The following SYT16 variants were observed in gnomAD, a reference collection of about 807,000 sequenced individuals.
The protein encoded by SYT16 is synaptotagmin 16.
In SYT16, 42 loss-of-function variants were observed where a neutral mutation model predicts 61.4. That is an observed-to-expected ratio of 0.68 (90% CI 0.53 to 0.89). The LOEUF (loss-of-function observed/expected upper bound fraction) is 0.89, where lower values mean the gene tolerates loss of function less well. Ranked by LOEUF, SYT16 falls within the 40% of genes least tolerant of loss-of-function variation. The pLI is 0.00. For missense variants in SYT16, 804 were observed against 807.3 expected (o/e 1.00, Z 0.05); for synonymous variants, 314 against 302.3 (o/e 1.04, Z -0.40).
chr14:62,018,934 C>T (rs1393879112), intron 3 of SYT16, among the ~76,000 whole-genome samples: 5 of 152,294 alleles, frequency 3.3e-5, no homozygotes, highest in South Asian at 4.2e-4. Context: ...CCTGCATCTG[C>T]GCTTGCCTCA....
chr14:61,853,377 G>C (rs2046677188), intron 1 of SYT16, among the ~76,000 whole-genome samples: 1 of 152,184 alleles, frequency 6.6e-6, no homozygotes, highest in Non-Finnish European at 1.5e-5. Context: ...GAAACCTACT[G>C]TTATGGTTTG....
chr14:62,024,606 A>G (rs930668842), intron 3 of SYT16, among the ~76,000 whole-genome samples: 12 of 152,026 alleles, frequency 7.9e-5, no homozygotes, highest in African/African-American at 2.9e-4. Context: ...TAGATTTATT[A>G]CAATCAGTAA....
intron 1 of SYT16, among the ~76,000 whole-genome samples, chr14:61,914,240 A>G (rs935426006): frequency 4.6e-5 from 7 of 152,200 alleles, no homozygotes; most frequent in Admixed American, 2.0e-4. Context: ...TTGCTAGGCA[A>G]AACTCCAACT....
chr14:61,933,045 A>G (rs1227618527), intron 1 of SYT16, among the ~76,000 whole-genome samples: 1 of 152,192 alleles, frequency 6.6e-6, no homozygotes, highest in Admixed American at 6.5e-5. Context: ...TTGGTGGAAT[A>G]TCTTTGACAG....
chr14:61,903,307 C>A (rs1216770250), intron 1 of SYT16, among the ~76,000 whole-genome samples: 1 of 151,846 alleles, frequency 6.6e-6, no homozygotes, highest in African/African-American at 2.4e-5. Flanking sequence ...CCTGTGTAAC[C>A]CCTGGCTATT....
intron 3 of SYT16, among the ~76,000 whole-genome samples, chr14:62,025,221 A>G (rs1249141321): frequency 6.6e-6 from 1 of 152,112 alleles, no homozygotes; most frequent in Non-Finnish European, 1.5e-5. Flanking sequence ...TGGTTATACC[A>G]TTTTGCATTC....
intron 1 of SYT16, among the ~76,000 whole-genome samples, chr14:61,937,067 TA>T (rs1471850458): frequency 2.0e-5 from 3 of 152,252 alleles, no homozygotes; most frequent in Non-Finnish European, 4.4e-5. Flanking sequence ...GGAACGGTGC[TA>T]TCACTTGCTT....
intron 1 of SYT16, among the ~76,000 whole-genome samples, chr14:61,910,599 C>T (rs1188672493): frequency 6.6e-6 from 1 of 150,788 alleles, no homozygotes; most frequent in Non-Finnish European, 1.5e-5. Flanking sequence ...GGCATGATCT[C>T]AGCTCACTGC....
rs551368313 is a variant in SYT16, at chr14:62,105,289, T to C, written c.*4582T>C. 6.6e-6 allele frequency: 1 copy of C among 152,338 alleles called. No individual in the cohort carries two copies. The highest frequency in any genetic ancestry group is 1.5e-5 in the Non-Finnish European group (1 of 68,028). The allele number at this position is 152,338 out of a possible 1,614,324, so 9.4% of individuals were successfully genotyped here. On this transcript the variant is annotated 3_prime_UTR_variant, in exon 8 of 8. Transcript: ENST00000683842. The stretch of plus-strand genomic sequence containing the variant: ...ATTCATAAATGGACAAGGCATCTTG[T>C]CGCCTTTATCAAAAGAGTTGGTGAC...
At chr14:61,964,679 G>A (rs966190894) in intron 1 of SYT16, among the ~76,000 whole-genome samples, 1 of 152,158 alleles carries the variant, frequency 6.6e-6, no homozygotes, top group African/African-American at 2.4e-5. Flanking sequence ...ACTTTCTGCT[G>A]TGGATAAAAT....
chr14:62,025,460 T>C (rs549653438), intron 3 of SYT16, among the ~76,000 whole-genome samples: 1 of 152,144 alleles, frequency 6.6e-6, no homozygotes, highest in Non-Finnish European at 1.5e-5. Context: ...TTCCTTACTG[T>C]TGAGTTTTAA....
At chr14:62,038,359 AG>A (rs1233391250) in intron 3 of SYT16, among the ~76,000 whole-genome samples, 2 of 151,024 alleles carry the variant, frequency 1.3e-5, no homozygotes, top group African/African-American at 4.9e-5. Flanking sequence ...AAAATCCATC[AG>A]GGGTGCCTGC....
intron 1 of SYT16, among the ~76,000 whole-genome samples, chr14:61,867,004 A>T (rs1287808507): frequency 1.3e-5 from 2 of 151,674 alleles, no homozygotes; most frequent in African/African-American, 4.8e-5. Context: ...GCACTTGTTG[A>T]GATTATCCTT....
intron 1 of SYT16, among the ~76,000 whole-genome samples, chr14:61,890,116 C>T (rs1489341314): frequency 1.3e-5 from 2 of 152,146 alleles, no homozygotes; most frequent in African/African-American, 2.4e-5. Flanking sequence ...CATGAGCAAG[C>T]CTTTCTTCCT....
At chr14:61,986,537 G>T (rs1013619683) in intron 2 of SYT16, among the ~76,000 whole-genome samples, 1 of 151,358 alleles carries the variant, frequency 6.6e-6, no homozygotes, top group South Asian at 2.1e-4. Context: ...GTGCCATGTT[G>T]GTGTGCTGCA....
chr14:61,852,466 G>A (rs1386484212), intron 1 of SYT16, among the ~76,000 whole-genome samples: 1 of 152,116 alleles, frequency 6.6e-6, no homozygotes, highest in East Asian at 1.9e-4. Context: ...AACATCAATG[G>A]TAGTTTAATA....
chr14:62,034,400 A>G (rs1490417521), intron 3 of SYT16, among the ~76,000 whole-genome samples: 1 of 152,198 alleles, frequency 6.6e-6, no homozygotes, highest in Non-Finnish European at 1.5e-5. Context: ...AATCCTGTAC[A>G]TGAATATTCA....
At chr14:61,968,200 G>A (rs1475627123) in intron 1 of SYT16, among the ~76,000 whole-genome samples, 1 of 152,170 alleles carries the variant, frequency 6.6e-6, no homozygotes, top group African/African-American at 2.4e-5. Context: ...GGCGGAGGTT[G>A]CAGTGAGCCA....
chr14:61,874,768 ATTT>A (rs112967075), intron 1 of SYT16, among the ~76,000 whole-genome samples: 1,536 of 141,790 alleles, frequency 0.011, 11 homozygotes, highest in Middle Eastern at 0.037. Flanking sequence ...ATGCAGCAAG[ATTT>A]TTTTTTTTTT....
Sources: gnomAD v4.1 joint callset for allele counts (sites outside exome capture counted in the v4.1 genomes callset) on GRCh38, gnomAD v4.1.1 for gene constraint, MANE v1.5 for transcripts, NCBI Gene and HGNC (gene_info 2026-07-23, HGNC 2026-07-21) for gene names.